VIL1: variants seen among roughly 807,000 people sequenced by gnomAD.
VIL1 encodes the protein villin-1.
Under a neutral mutation model 104.0 loss-of-function variants are expected in VIL1, and 86 were observed. The observed-to-expected ratio is 0.83, with a 90% CI of 0.69 to 0.99. The LOEUF (loss-of-function observed/expected upper bound fraction) is 0.99, where lower values mean the gene tolerates loss of function less well. Among genes scored for constraint, VIL1 ranks in the 50% least tolerant of loss-of-function variants. The pLI, the probability that VIL1 is intolerant of heterozygous loss-of-function variation, is 0.00. For synonymous variants in VIL1, 394 were observed against 412.6 expected, an observed-to-expected ratio of 0.95 and a Z score of 0.55; for missense variants, 944 against 1,054.1, an observed-to-expected ratio of 0.90 and a Z score of 1.45.
chr2:218,444,068 C>CT (rs1689325898), intron 19 of VIL1, among the ~76,000 whole-genome samples: 1 of 152,146 alleles, frequency 6.6e-6, no homozygotes. Context: ...CTGGTTCAAG[C>CT]AATTCTCCTG....
At chr2:218,443,582 T>C (rs1689318729) in intron 19 of VIL1, among the ~76,000 whole-genome samples, 1 of 152,064 alleles carries the variant, frequency 6.6e-6, no homozygotes, top group Admixed American at 6.5e-5. Flanking sequence ...TAATTTTAAA[T>C]AGACAGACTC....
chr2:218,422,711 C>T (rs548504343), intron 1 of VIL1, among the ~76,000 whole-genome samples: 5 of 152,272 alleles, frequency 3.3e-5, no homozygotes, highest in Admixed American at 2.0e-4. Context: ...AGGCTGTCAG[C>T]GAGTGGAGGC....
rs536096503 is a variant in VIL1 at position 218,426,118 on chromosome 2, A to G, written c.347+307A>G. Among the ~76,000 whole-genome samples, 4 of 152,280 alleles carry G rather than the reference A, an allele frequency of 2.6e-5. No individual in the cohort carries two copies. In the East Asian group the frequency reaches 7.7e-4, roughly 29 times the overall value. On this transcript the variant is annotated intron_variant, in intron 4 of 19. Transcript: ENST00000248444. ...CTATAACTCTCGTGAATCTCTGTAAATCAGCTCCTACTTGAATGTCCTGGA... is the reference window on the plus strand; with the variant it reads ...CTATAACTCTCGTGAATCTCTGTAAGTCAGCTCCTACTTGAATGTCCTGGA...
intron 1 of VIL1, 129 bp from the exon 2 acceptor site, chr2:218,423,639 T>TA: frequency 1.2e-6 from 1 of 803,712 alleles, no homozygotes; most frequent in South Asian, 1.6e-5. Flanking sequence ...GAGTGGGGAG[T>TA]AACCCTCTGT....
intron 9 of VIL1, among the ~76,000 whole-genome samples, chr2:218,430,309 G>C (rs1689073086): frequency 6.6e-6 from 1 of 152,176 alleles, no homozygotes; most frequent in Admixed American, 6.5e-5. Flanking sequence ...TCAGACCAGG[G>C]CCAAGTCAGA....
intron 3 of VIL1, among the ~76,000 whole-genome samples, chr2:218,424,607 C>T (rs991817157): frequency 6.6e-5 from 10 of 152,264 alleles, no homozygotes; most frequent in African/African-American, 2.2e-4. Flanking sequence ...GAGTTGTTGC[C>T]GTATCACCCT....
chr2:218,449,286 C>T lies in VIL1; in HGVS notation c.2434C>T (p.Leu812=). Reference sequence around the variant, plus strand: ...GATGACTCCAGCTGCCTTCTCTGCTCTGCCTCGATGGAAGCAACAAAACCT... The same window carrying T: ...GATGACTCCAGCTGCCTTCTCTGCTTTGCCTCGATGGAAGCAACAAAACCT... ...FGMTPAAFSA[L]PRWKQQNLKK... is the part of the protein sequence containing the mutation. Residue 812 remains leucine (L), a synonymous_variant, in exon 20 of 20, where the codon CTG becomes TTG. Coordinates refer to ENST00000248444, the MANE Select transcript of VIL1 (RefSeq NM_007127.3). 1 of 1,614,066 alleles carries T rather than the reference C, an allele frequency of 6.2e-7. No individual in the cohort carries two copies. The highest frequency in any genetic ancestry group is 8.5e-7 in the Non-Finnish European group (1 of 1,179,954).
At chr2:218,428,198 G>A (rs1283090141) in intron 5 of VIL1, 29 bp from the exon 6 acceptor site, 1 of 1,609,274 alleles carries the variant, frequency 6.2e-7, no homozygotes, top group Non-Finnish European at 8.5e-7. Flanking sequence ...GCTCTGAGTG[G>A]GGTCTGTGCC....
chr2:218,438,722 C>G lies in VIL1; in HGVS notation c.2225C>G (p.Thr742Ser). ...AACTCTAGGGACTGGAGCCAGATCA[C>G]TGCTGTGAGTCCGGGGCGGGGTGGC... ...LGNSRDWSQITAEVTSPKVDV... is the reference protein window; with the variant it reads ...LGNSRDWSQISAEVTSPKVDV... The change falls in exon 18 of 20, where the codon ACT becomes AGT. Residue 742 changes from threonine (T) to serine (S), a missense_variant. By Grantham distance (58) the Thr-to-Ser change is moderately conservative. Transcript: ENST00000248444. The G allele has an allele frequency of 6.2e-7, 1 of 1,611,402 alleles. No homozygotes were observed. The highest frequency in any genetic ancestry group is 2.2e-5 in the East Asian group (1 of 44,822).
chr2:218,432,678 A>G (rs1158827003), intron 12 of VIL1, 115 bp from the exon 13 acceptor site: 1 of 1,359,320 alleles, frequency 7.4e-7, no homozygotes, highest in African/African-American at 1.4e-5. Context: ...GGTGGGGAAG[A>G]CAATTGGGTT....
intron 1 of VIL1, 34 bp downstream of exon 1, chr2:218,419,202 T>C (rs927919181): frequency 2.0e-5 from 3 of 152,118 alleles, no homozygotes; most frequent in African/African-American, 7.2e-5. Context: ...ATGGAGACCT[T>C]AGGTGGTGCG....
Position 218,434,531 on chromosome 2 carries a change from C to T in VIL1, c.1506C>T (p.Gly502=), listed in dbSNP as rs771729042. The T allele has an allele frequency of 1.2e-6, 2 of 1,609,734 alleles. No individual in the cohort carries two copies. Among genetic ancestry groups the T allele is most frequent in the East Asian group, 4.5e-5 (2 of 44,858 alleles). ...TCTTCTGCCCTCACCTGCAGGGAGG[C>T]ACCTCCCGAACTAACAACTTGGAGA... is the stretch of plus-strand genomic sequence containing the variant. ...FKGRMVVYQG[G]TSRTNNLETG... Residue 502 remains glycine (G), a synonymous_variant, in exon 14 of 20, where the codon GGC becomes GGT. Coordinates refer to ENST00000248444, the MANE Select transcript of VIL1 (RefSeq NM_007127.3).
chr2:218,420,420 C>T lies in VIL1; in HGVS notation c.-12+1252C>T, dbSNP rs1322520169. Among the ~76,000 whole-genome samples the T allele has an allele frequency of 7.5e-5, 7 of 92,750 alleles. No homozygotes were observed. The Admixed American group carries it at 1.2e-3, about 16-fold the overall frequency. 60.8% of individuals were successfully genotyped at this position (92,750 alleles called of 152,430 possible). On this transcript the variant is annotated intron_variant, in intron 1 of 19. Coordinates refer to ENST00000248444, the MANE Select transcript of VIL1 (RefSeq NM_007127.3). ...CTCCAGCCTGGGTGACAGAGTGAGA[C>T]TCTGTCTCAAAAAAAAAAAAAAAAA...
At chr2:218,424,003 C>T (rs1054678793) in intron 2 of VIL1, 150 bp downstream of exon 2, 3 of 859,592 alleles carry the variant, frequency 3.5e-6, no homozygotes, top group Admixed American at 2.4e-5. Context: ...ATCATCCACA[C>T]CCCGGCTGGT....
intron 19 of VIL1, among the ~76,000 whole-genome samples, chr2:218,447,847 C>T (rs1489470126): frequency 6.6e-6 from 1 of 152,138 alleles, no homozygotes; most frequent in Non-Finnish European, 1.5e-5. Flanking sequence ...CCTGCCTCAG[C>T]CTCCAGAGTA....
chr2:218,424,374 G>A (rs1342174793), intron 3 of VIL1, 23 bp downstream of exon 3: 1 of 1,612,224 alleles, frequency 6.2e-7, no homozygotes, highest in African/African-American at 1.3e-5. Flanking sequence ...CAGGGGAGGG[G>A]GCTGAGCAGA....
At chr2:218,436,771 G>C (rs1318633660) in intron 16 of VIL1, 145 bp downstream of exon 16, 2 of 1,104,798 alleles carry the variant, frequency 1.8e-6, no homozygotes, top group East Asian at 4.9e-5. Flanking sequence ...CACCAGAAGT[G>C]TAAGAAAGAA....
Position 218,438,689 on chromosome 2 carries a change from A to T in VIL1, c.2192A>T (p.Glu731Val). ...AAATCCTATGAGGACCTGAAGGCGG[A>T]GCTTGGCAACTCTAGGGACTGGAGC... ...NTKSYEDLKA[E>V]LGNSRDWSQI... Residue 731 changes from glutamate to valine, a missense_variant, in exon 18 of 20, where the codon GAG (glutamate) becomes GTG (valine). Glu to Val is a moderately radical substitution (Grantham distance 121). Transcript: ENST00000248444. The T allele has an allele frequency of 1.2e-6, 2 of 1,612,762 alleles. No individual in the cohort carries two copies. The highest frequency in any genetic ancestry group is 1.7e-6 in the Non-Finnish European group (2 of 1,179,776).
rs780346310 is a variant in VIL1 at position 218,430,776 on chromosome 2, AATG to A, written c.1004_1006del (p.Asp335del). ...ACCAAGCACACAGGTGGAGGTGCAG[AATG>A]ATGGGGCTGAGTCGGCCGTCTTTCA... On this transcript the variant is annotated inframe_deletion, in exon 10 of 20. Coordinates refer to ENST00000248444, the MANE Select transcript of VIL1 (RefSeq NM_007127.3). 26 of 1,613,210 alleles carry A rather than the reference AATG, an allele frequency of 1.6e-5. No homozygotes were observed. The highest frequency in any genetic ancestry group is 2.2e-5 in the Non-Finnish European group (26 of 1,179,578).
Sources: allele counts gnomAD v4.1 joint callset (sites outside exome capture counted in the v4.1 genomes callset), GRCh38; gene constraint gnomAD v4.1.1; transcripts MANE v1.5; gene names NCBI Gene and HGNC (gene_info 2026-07-23, HGNC 2026-07-21).